Variants in DIAPH2 observed in about 807,000 individuals in gnomAD.
DIAPH2 encodes the protein diaphanous related formin 2.
Under a neutral mutation model 92.7 loss-of-function variants are expected in DIAPH2, and 35 were observed. The observed-to-expected ratio is 0.38, with a 90% CI of 0.29 to 0.50. The LOEUF (loss-of-function observed/expected upper bound fraction) is 0.50, where lower values mean the gene tolerates loss of function less well. DIAPH2 is among the 20% of genes least tolerant of loss of function. The probability of loss-of-function intolerance (pLI) is 0.94; values close to 1 mark genes in which losing one functional copy is unlikely to be tolerated. For missense variants in DIAPH2, 701 were observed against 819.5 expected (o/e 0.86, Z 1.77); for synonymous variants, 301 against 280.4 (o/e 1.07, Z -0.73).
intron 26 of DIAPH2, among the ~76,000 whole-genome samples, chrX:97,453,063 C>T (rs769452783): frequency 4.5e-5 from 5 of 111,204 alleles, no homozygotes; most frequent in Admixed American, 9.6e-5. Flanking sequence ...CCAGAAGCAA[C>T]CACCTTTACA....
At chrX:97,583,822 C>G (rs945384229) in intron 26 of DIAPH2, among the ~76,000 whole-genome samples, 1 of 111,701 alleles carries the variant, frequency 9.0e-6, no homozygotes, top group Non-Finnish European at 1.9e-5. Context: ...TAGCAATCAG[C>G]GAGACTCGGT....
intron 17 of DIAPH2, among the ~76,000 whole-genome samples, chrX:96,978,703 C>T (rs188626997): frequency 1.8e-5 from 2 of 110,148 alleles, no homozygotes; most frequent in Non-Finnish European, 3.8e-5. Flanking sequence ...CCAATATCCC[C>T]AAATTTAGCA....
chrX:97,006,445 C>T (rs1388324752), intron 17 of DIAPH2, among the ~76,000 whole-genome samples: 2 of 112,134 alleles, frequency 1.8e-5, no homozygotes, highest in Non-Finnish European at 3.8e-5. Flanking sequence ...GTCTGTTTCA[C>T]AAATCTGGGT....
chrX:97,311,540 T>C (rs767314798), intron 23 of DIAPH2, among the ~76,000 whole-genome samples: 40 of 110,944 alleles, frequency 3.6e-4, no homozygotes, highest in Admixed American at 9.7e-5. Context: ...GATGAAATCA[T>C]AGGGAGTCAA....
chrX:97,075,266 C>T lies in DIAPH2; in HGVS notation c.2247+5C>T. Reference sequence around the variant, plus strand: ...CTGAGTGAGGCTTTAATTCAGGTAACTTGGATATTTTCCTTTTGAAATTCA... The same window carrying T: ...CTGAGTGAGGCTTTAATTCAGGTAATTTGGATATTTTCCTTTTGAAATTCA... On this transcript the variant is annotated splice_donor_5th_base_variant and intron_variant, in intron 19 of 26. Coordinates refer to ENST00000324765, the MANE Select transcript of DIAPH2 (RefSeq NM_006729.5). 1 of 1,125,321 alleles carries T rather than the reference C, an allele frequency of 8.9e-7. No homozygotes were observed. The highest frequency in any genetic ancestry group is 1.2e-6 in the Non-Finnish European group (1 of 835,745). The allele number at this position is 1,125,321 out of a possible 1,213,427, so 92.7% of individuals were successfully genotyped here.
At chrX:97,536,737 A>G (rs1165827104) in intron 26 of DIAPH2, among the ~76,000 whole-genome samples, 1 of 111,778 alleles carries the variant, frequency 8.9e-6, no homozygotes, top group Non-Finnish European at 1.9e-5. Flanking sequence ...ATGTACCCTG[A>G]AACCTCATAA....
intron 26 of DIAPH2, among the ~76,000 whole-genome samples, chrX:97,441,680 GT>G (rs1223987248): frequency 9.0e-6 from 1 of 111,659 alleles, no homozygotes; most frequent in Non-Finnish European, 1.9e-5. Flanking sequence ...GCCGGGCGTG[GT>G]GGCACATGCC....
intron 23 of DIAPH2, among the ~76,000 whole-genome samples, chrX:97,332,099 T>G (rs1180173506): frequency 9.0e-6 from 1 of 111,441 alleles, no homozygotes; most frequent in Non-Finnish European, 1.9e-5. Flanking sequence ...AATAGGGAGT[T>G]TCCTACACTA....
intron 26 of DIAPH2, among the ~76,000 whole-genome samples, chrX:97,572,691 C>T (rs987270032): frequency 1.8e-5 from 2 of 112,164 alleles, no homozygotes; most frequent in African/African-American, 6.5e-5. Flanking sequence ...CAAAGAATCT[C>T]TGTAATTGGC....
At chrX:96,946,204 C>T (rs369729862) in intron 14 of DIAPH2, among the ~76,000 whole-genome samples, 4 of 111,653 alleles carry the variant, frequency 3.6e-5, no homozygotes, top group African/African-American at 1.3e-4. Context: ...TTGTGAATAT[C>T]CGAATTGTAT....
chrX:96,989,079 C>T (rs780947644), intron 17 of DIAPH2, among the ~76,000 whole-genome samples: 2 of 111,666 alleles, frequency 1.8e-5, no homozygotes, highest in East Asian at 2.8e-4. Context: ...TAAAGCATCA[C>T]ATCACAAAGT....
intron 24 of DIAPH2, among the ~76,000 whole-genome samples, chrX:97,352,309 A>G (rs1293109385): frequency 9.0e-6 from 1 of 111,197 alleles, no homozygotes; most frequent in East Asian, 2.8e-4. Context: ...GATGGGGCAA[A>G]TACAAATAAA....
At chrX:97,158,189 CGAT>C (rs1424254146) in intron 22 of DIAPH2, among the ~76,000 whole-genome samples, 1 of 111,800 alleles carries the variant, frequency 8.9e-6, no homozygotes, top group East Asian at 2.8e-4. Flanking sequence ...GCTATTTGGA[CGAT>C]GATATTTAAG....
chrX:96,768,196 A>T lies in DIAPH2; in HGVS notation c.447+9938A>T, dbSNP rs942500253. Among the ~76,000 whole-genome samples, 11 of 112,546 alleles carry T rather than the reference A, an allele frequency of 9.8e-5. No individual in the cohort carries two copies. The East Asian group carries it at 2.2e-3, about 23-fold the overall frequency. On this transcript the variant is annotated intron_variant, in intron 4 of 26. Coordinates refer to ENST00000324765, the MANE Select transcript of DIAPH2 (RefSeq NM_006729.5). Reference sequence around the variant, plus strand: ...CTTCTGTGACAAAAAGTAAGAATTGATATGATTACATATGATAGTTGGAAA... The same window carrying T: ...CTTCTGTGACAAAAAGTAAGAATTGTTATGATTACATATGATAGTTGGAAA...
intron 7 of DIAPH2, among the ~76,000 whole-genome samples, chrX:96,913,571 T>C (rs1262396692): frequency 9.0e-6 from 1 of 111,562 alleles, no homozygotes; most frequent in Admixed American, 9.5e-5. Flanking sequence ...GTAGGAAAAT[T>C]TAAATGTCGT....
intron 1 of DIAPH2, among the ~76,000 whole-genome samples, chrX:96,713,993 A>G (rs1356176592): frequency 8.9e-6 from 1 of 111,961 alleles, no homozygotes; most frequent in African/African-American, 3.2e-5. Context: ...TCATTTGGGT[A>G]AATGAGTGCT....
At chrX:96,987,104 A>G (rs1011394550) in intron 17 of DIAPH2, among the ~76,000 whole-genome samples, 1 of 110,906 alleles carries the variant, frequency 9.0e-6, no homozygotes, top group African/African-American at 3.3e-5. Context: ...AGAAATACAC[A>G]CCTCCCTTCT....
intron 17 of DIAPH2, among the ~76,000 whole-genome samples, chrX:96,965,940 T>C (rs2065891017): frequency 9.0e-6 from 1 of 111,505 alleles, no homozygotes; most frequent in Non-Finnish European, 1.9e-5. Context: ...GGATATTACT[T>C]TTTGTCTGAA....
intron 3 of DIAPH2, among the ~76,000 whole-genome samples, chrX:96,750,500 G>T (rs913260898): frequency 9.0e-6 from 1 of 111,646 alleles, no homozygotes; most frequent in Non-Finnish European, 1.9e-5. Context: ...GTATACTTCA[G>T]TTTCAACTTC....
Sources: gnomAD v4.1 joint callset for allele counts (sites outside exome capture counted in the v4.1 genomes callset) on GRCh38, gnomAD v4.1.1 for gene constraint, MANE v1.5 for transcripts, NCBI Gene and HGNC (gene_info 2026-07-23, HGNC 2026-07-21) for gene names.